P2RY14: variants seen among roughly 807,000 people sequenced by gnomAD.
The protein encoded by P2RY14 is purinergic receptor P2Y14, also known as P2Y purinoceptor 14.
In P2RY14, 2 loss-of-function variants were observed where a neutral mutation model predicts 0.9. The ratio of observed to expected loss-of-function variants is 2.16; its 90% CI spans 0.88 to 6.79. The LOEUF is 6.79. P2RY14 is among the 30% of genes most tolerant of loss of function. The pLI is 0.05. For missense variants in P2RY14, 378 were observed against 400.1 expected (o/e 0.94, Z 0.47); for synonymous variants, 158 against 147.2 (o/e 1.07, Z -0.53).
In P2RY14 at chr3:151,232,376, T is replaced by C. The variant is rs1438247407; in HGVS notation, c.-132-12734A>G. Among the ~76,000 whole-genome samples, 6 of 152,198 alleles carry C rather than the reference T, an allele frequency of 3.9e-5. 1 individual carries two copies. The highest frequency in any genetic ancestry group is 9.6e-5 in the African/African-American group (4 of 41,454). On this transcript the variant is annotated intron_variant, in intron 1 of 2. Coordinates refer to ENST00000309170, the MANE Select transcript of P2RY14 (RefSeq NM_014879.4). ...CTGTTATTTTTTGACTTTTTAACGA[T>C]AGCCATTCTGATTGGTGTGAAAACA...
At chr3:151,233,640 G>A (rs1243509642) in intron 1 of P2RY14, among the ~76,000 whole-genome samples, 1 of 152,212 alleles carries the variant, frequency 6.6e-6, no homozygotes, top group Non-Finnish European at 1.5e-5. Flanking sequence ...GGCTGAGGCA[G>A]GAGAATCACT....
chr3:151,263,984 T>C (rs899507944), intron 1 of P2RY14, among the ~76,000 whole-genome samples: 1 of 152,246 alleles, frequency 6.6e-6, no homozygotes, highest in African/African-American at 2.4e-5. Flanking sequence ...TTACCACCAC[T>C]CCTTCCCTCT....
intron 1 of P2RY14, among the ~76,000 whole-genome samples, chr3:151,260,112 G>A (rs1160075240): frequency 6.6e-6 from 1 of 152,168 alleles, no homozygotes; most frequent in African/African-American, 2.4e-5. Flanking sequence ...CCATTGGTGG[G>A]CTTAGGGTAG....
chr3:151,238,372 C>G (rs1036372612), intron 1 of P2RY14, among the ~76,000 whole-genome samples: 1 of 152,198 alleles, frequency 6.6e-6, no homozygotes, highest in African/African-American at 2.4e-5. Context: ...GTCTCGAACT[C>G]CTGACCTCAG....
chr3:151,243,985 G>A, intron 1 of P2RY14, among the ~76,000 whole-genome samples: 1 of 142,354 alleles, frequency 7.0e-6, no homozygotes, highest in Non-Finnish European at 1.6e-5. Flanking sequence ...TGATAAAACA[G>A]ACTTTAAACC....
intron 1 of P2RY14, among the ~76,000 whole-genome samples, chr3:151,223,805 G>GT (rs1729905181): frequency 6.6e-6 from 1 of 152,114 alleles, no homozygotes; most frequent in Admixed American, 6.5e-5. Flanking sequence ...ATATACCCAA[G>GT]TAACAAACTT....
rs527457800 is a variant in P2RY14, at chr3:151,222,747, A to G, written c.-132-3105T>C. On this transcript the variant is annotated intron_variant, in intron 1 of 2. Transcript: ENST00000309170. The stretch of plus-strand genomic sequence containing the variant: ...AGCATGATATGCTGCTGGTCCATGT[A>G]CCACTCTTTGAGTTAGCATCATTTT... Among the ~76,000 whole-genome samples the G allele has an allele frequency of 5.9e-5, 9 of 152,310 alleles. No individual in the cohort carries two copies. The South Asian group carries it at 1.9e-3, about 32-fold the overall frequency.
chr3:151,261,066 T>G (rs1738788041), intron 1 of P2RY14, among the ~76,000 whole-genome samples: 1 of 152,176 alleles, frequency 6.6e-6, no homozygotes, highest in Non-Finnish European at 1.5e-5. Context: ...GGCTTTTGTT[T>G]TTTTGGAGGG....
intron 1 of P2RY14, among the ~76,000 whole-genome samples, chr3:151,250,330 C>T (rs78405099): frequency 0.058 from 8,876 of 152,168 alleles, 852 homozygotes; most frequent in African/African-American, 0.2. Flanking sequence ...TGTTCAGTGA[C>T]GTTAATTACA....
At chr3:151,269,263 G>C (rs1740411982) in intron 1 of P2RY14, among the ~76,000 whole-genome samples, 1 of 152,070 alleles carries the variant, frequency 6.6e-6, no homozygotes. Context: ...AGCCAGGTGT[G>C]GTGGTGCATG....
intron 1 of P2RY14, among the ~76,000 whole-genome samples, chr3:151,246,839 C>T (rs867777960): frequency 6.6e-6 from 1 of 152,034 alleles, no homozygotes; most frequent in Non-Finnish European, 1.5e-5. Flanking sequence ...AGGCAGCCTA[C>T]AAAATGGGAG....
intron 2 of P2RY14, among the ~76,000 whole-genome samples, chr3:151,218,892 A>T (rs982578437): frequency 7.1e-6 from 1 of 141,576 alleles, no homozygotes; most frequent in African/African-American, 2.7e-5. Flanking sequence ...AAAAAAAAAA[A>T]AAAAAGAGGG....
intron 1 of P2RY14, among the ~76,000 whole-genome samples, chr3:151,225,196 G>A (rs745949428): frequency 2.0e-5 from 3 of 152,054 alleles, no homozygotes; most frequent in African/African-American, 4.8e-5. Flanking sequence ...GGGTGCCCTC[G>A]ACTTCACAGA....
chr3:151,230,721 A>G (rs1731501726), intron 1 of P2RY14, among the ~76,000 whole-genome samples: 1 of 152,188 alleles, frequency 6.6e-6, no homozygotes, highest in Non-Finnish European at 1.5e-5. Context: ...TTAATAAAAA[A>G]AAGTAATAAA....
intron 1 of P2RY14, among the ~76,000 whole-genome samples, chr3:151,267,197 C>G (rs375103597): frequency 6.6e-6 from 1 of 152,110 alleles, no homozygotes; most frequent in Non-Finnish European, 1.5e-5. Context: ...GACAGTATTC[C>G]TTACTGGGAG....
At chr3:151,255,304 T>TGCA (rs557490345) in intron 1 of P2RY14, among the ~76,000 whole-genome samples, 3 of 152,290 alleles carry the variant, frequency 2.0e-5, no homozygotes, top group African/African-American at 7.2e-5. Flanking sequence ...GTACCCTTCA[T>TGCA]GTGTGACATG....
At chr3:151,266,717 G>A (rs539290203) in intron 1 of P2RY14, among the ~76,000 whole-genome samples, 8 of 152,180 alleles carry the variant, frequency 5.3e-5, no homozygotes, top group Non-Finnish European at 1.2e-4. Flanking sequence ...TTTGGGACTT[G>A]GTGGCTTGGC....
At chr3:151,260,094 T>C (rs1375973607) in intron 1 of P2RY14, among the ~76,000 whole-genome samples, 1 of 152,172 alleles carries the variant, frequency 6.6e-6, no homozygotes, top group Non-Finnish European at 1.5e-5. Context: ...TGGGTGGGAC[T>C]GGGGACACCA....
chr3:151,236,930 A>C (rs185311389), intron 1 of P2RY14, among the ~76,000 whole-genome samples: 3 of 151,988 alleles, frequency 2.0e-5, no homozygotes, highest in African/African-American at 7.3e-5. Context: ...GCCGAGATGC[A>C]TATCTTTGTT....
Sources: allele counts gnomAD v4.1 joint callset (sites outside exome capture counted in the v4.1 genomes callset), GRCh38; gene constraint gnomAD v4.1.1; transcripts MANE v1.5; gene names NCBI Gene and HGNC (gene_info 2026-07-23, HGNC 2026-07-21).